Variants in KIRREL3 observed in about 807,000 individuals in gnomAD.
KIRREL3 encodes kin of IRRE-like protein 3.
Under a neutral mutation model 89.7 loss-of-function variants are expected in KIRREL3, and 36 were observed. The observed-to-expected ratio is 0.40, with a 90% CI of 0.31 to 0.53. KIRREL3 has a LOEUF of 0.53. Among genes scored for constraint, KIRREL3 ranks in the 20% least tolerant of loss-of-function variants. The probability of loss-of-function intolerance (pLI) is 0.49; values close to 1 mark genes in which losing one functional copy is unlikely to be tolerated. For missense variants in KIRREL3, 864 were observed against 1,056.6 expected, an observed-to-expected ratio of 0.82 and a Z score of 2.53; for synonymous variants, 445 against 441.4, an observed-to-expected ratio of 1.01 and a Z score of -0.10.
chr11:126,529,853 C>G (rs958388605), intron 2 of KIRREL3, among the ~76,000 whole-genome samples: 1 of 127,350 alleles, frequency 7.9e-6, no homozygotes, highest in Non-Finnish European at 1.6e-5. Context: ...TCTTTTAAAC[C>G]AATGAGTTTT....
In KIRREL3 at chr11:126,683,863, C is replaced by T. The variant is rs567044558; in HGVS notation, c.56-120951G>A. ...AAACCCTCGCCAGGCCCCAGACGCG[C>T]GTGGGTCCACCTACCGTCCATCTAC... On this transcript the variant is annotated intron_variant, in intron 1 of 16. Coordinates refer to ENST00000525144, the MANE Select transcript of KIRREL3 (RefSeq NM_032531.4). The surrounding 1 kb of genome is among the most constrained non-coding windows in gnomAD (Gnocchi z 5.2). 1.3e-5 allele frequency among the ~76,000 whole-genome samples: 2 copies of T among 152,336 alleles called. No individual in the cohort carries two copies. Among genetic ancestry groups the T allele is most frequent in the East Asian group, 1.9e-4 (1 of 5,180 alleles).
Position 126,436,977 on chromosome 11 carries a change from C to T in KIRREL3, c.1386G>A (p.Ser462=), listed in dbSNP as rs377743404. The change falls in exon 12 of 17, where the codon TCG becomes TCA. Residue 462 remains serine, a synonymous_variant. Coordinates refer to ENST00000525144, the MANE Select transcript of KIRREL3 (RefSeq NM_032531.4). ...CCACCGTATAGCGCCCCGATGTGCC[C>T]GACTCCAGAACGTTCTCCTTCCAGG... is the stretch of plus-strand genomic sequence containing the variant. ...AWSWKENVLE[S]GTSGRYTVET... 2.9e-4 allele frequency: 449 copies of T among 1,574,960 alleles called. 2 individuals carry two copies. Among genetic ancestry groups the T allele is most frequent in the Admixed American group, 2.2e-3 (128 of 57,450 alleles).
At position 126,527,708 on chromosome 11, in the gene KIRREL3, G is replaced by A. The variant is rs768410194; in HGVS notation, c.134-1021C>T. Among the ~76,000 whole-genome samples the A allele has an allele frequency of 2.0e-5, 3 of 152,144 alleles. No homozygotes were observed. Among genetic ancestry groups the A allele is most frequent in the African/African-American group, 7.2e-5 (3 of 41,424 alleles). On this transcript the variant is annotated intron_variant, in intron 2 of 16. Transcript: ENST00000525144. The surrounding 1 kb of genome is among the most constrained non-coding windows in gnomAD (Gnocchi z 4.2). ...CCATTTGACAGGACTTTGGGAAACGGAGGCTCAGGGTTAACTGAATTGCCC... is the reference window on the plus strand; with the variant it reads ...CCATTTGACAGGACTTTGGGAAACGAAGGCTCAGGGTTAACTGAATTGCCC...
rs1241836942 is a variant in KIRREL3 at position 126,537,028 on chromosome 11, C to G, written c.134-10341G>C. ...GGCTCAAGGGTGGGCTCAATCCCTG[C>G]CTCCCCTTTCTCCACTGGTTATTTG... On this transcript the variant is annotated intron_variant, in intron 2 of 16. Coordinates refer to ENST00000525144, the MANE Select transcript of KIRREL3 (RefSeq NM_032531.4). This position sits in a 1 kb window ranked among gnomAD's most constrained non-coding sequence, Gnocchi z 4.3. Among the ~76,000 whole-genome samples, 2 of 152,180 alleles carry G rather than the reference C, an allele frequency of 1.3e-5. No homozygotes were observed. Among genetic ancestry groups the G allele is most frequent in the African/African-American group, 4.8e-5 (2 of 41,448 alleles).
chr11:126,488,065 G>A (rs1473246760), intron 4 of KIRREL3, among the ~76,000 whole-genome samples: 2 of 152,274 alleles, frequency 1.3e-5, no homozygotes, highest in East Asian at 1.9e-4. Flanking sequence ...GAGTGCTTAC[G>A]ATCAGAATAA....
intron 5 of KIRREL3, among the ~76,000 whole-genome samples, chr11:126,467,600 G>A (rs1017049496): frequency 2.0e-5 from 3 of 151,760 alleles, no homozygotes; most frequent in Non-Finnish European, 4.4e-5. Context: ...GCTTCTCCCC[G>A]CTACTCACCT....
At chr11:126,589,935 A>T (rs1005707264) in intron 1 of KIRREL3, among the ~76,000 whole-genome samples, 5 of 152,090 alleles carry the variant, frequency 3.3e-5, no homozygotes, top group Admixed American at 3.3e-4. Context: ...TCCTCTTTCT[A>T]CTGTGCCCCA....
chr11:126,806,400 G>A (rs1951204946), intron 1 of KIRREL3, among the ~76,000 whole-genome samples: 1 of 152,152 alleles, frequency 6.6e-6, no homozygotes, highest in Non-Finnish European at 1.5e-5. Context: ...AAACTAGGTG[G>A]GTTGGCAGGA....
Position 126,765,555 on chromosome 11 carries a change from G to C in KIRREL3, c.56-202643C>G, listed in dbSNP as rs528341417. Reference sequence around the variant, plus strand: ...TAAACAATGTTCTGATAATTGCTGGGTCACCATTATTTACTACTACAGTTA... The same window carrying C: ...TAAACAATGTTCTGATAATTGCTGGCTCACCATTATTTACTACTACAGTTA... On this transcript the variant is annotated intron_variant, in intron 1 of 16. Transcript: ENST00000525144. Among the ~76,000 whole-genome samples, 19 of 152,290 alleles carry C rather than the reference G, an allele frequency of 1.2e-4. No homozygotes were observed. The East Asian group carries it at 3.5e-3, about 28-fold the overall frequency.
At position 126,566,136 on chromosome 11, in the gene KIRREL3, G is replaced by A. The variant is rs1015577917; in HGVS notation, c.56-3224C>T. 2.6e-4 allele frequency among the ~76,000 whole-genome samples: 30 copies of A among 116,242 alleles called. No homozygotes were observed. Among genetic ancestry groups the A allele is most frequent in the African/African-American group, 1.2e-3 (30 of 24,062 alleles). 76.3% of individuals were successfully genotyped at this position (116,242 alleles called of 152,430 possible). On this transcript the variant is annotated intron_variant, in intron 1 of 16. Coordinates refer to ENST00000525144, the MANE Select transcript of KIRREL3 (RefSeq NM_032531.4). This position sits in a 1 kb window ranked among gnomAD's most constrained non-coding sequence, Gnocchi z 4.9. ...ACCCAGATACTCTAAAGCTGGCTAT[G>A]GAAAAATAATTACCATGAAAGGAGT...
At position 126,645,529 on chromosome 11, in the gene KIRREL3, G is replaced by T. The variant is rs948503430; in HGVS notation, c.56-82617C>A. 2.6e-5 allele frequency among the ~76,000 whole-genome samples: 4 copies of T among 152,202 alleles called. No individual in the cohort carries two copies. The highest frequency in any genetic ancestry group is 6.5e-5 in the Admixed American group (1 of 15,286). ...GAAAGAATTCATGAGTAATAGCCGG[G>T]CATAAATCAGAATATGCACTTGAAC... On this transcript the variant is annotated intron_variant, in intron 1 of 16. Coordinates refer to ENST00000525144, the MANE Select transcript of KIRREL3 (RefSeq NM_032531.4). The surrounding 1 kb of genome is among the most constrained non-coding windows in gnomAD (Gnocchi z 4.9).
rs1424243479 is a variant in KIRREL3 at position 126,876,867 on chromosome 11, GT to G, written c.55+123587del. 1.3e-5 allele frequency among the ~76,000 whole-genome samples: 2 copies of G among 152,162 alleles called. No individual in the cohort carries two copies. The highest frequency in any genetic ancestry group is 4.8e-5 in the African/African-American group (2 of 41,440). The stretch of plus-strand genomic sequence containing the variant: ...TGTTTTTAATGAATACAAAAAGAAT[GT>G]CTTCTTTATGGAGCCAAAATTTTCA... On this transcript the variant is annotated intron_variant, in intron 1 of 16. Transcript: ENST00000525144. This position sits in a 1 kb window ranked among gnomAD's most constrained non-coding sequence, Gnocchi z 4.1.
At chr11:126,634,140 C>G (rs925526121) in intron 1 of KIRREL3, among the ~76,000 whole-genome samples, 3 of 152,098 alleles carry the variant, frequency 2.0e-5, no homozygotes, top group African/African-American at 7.2e-5. Flanking sequence ...GTGTCGAAGG[C>G]CAATTTACAT....
In KIRREL3 at chr11:126,666,122, A is replaced by G. The variant is rs906993561; in HGVS notation, c.56-103210T>C. On this transcript the variant is annotated intron_variant, in intron 1 of 16. Transcript: ENST00000525144. This position sits in a 1 kb window ranked among gnomAD's most constrained non-coding sequence, Gnocchi z 4.2. ...ACCACTTGCCTACTGCATTGTCTGT[A>G]TCATAGAAGTTGAGGAACCATTAAG... is the stretch of plus-strand genomic sequence containing the variant. Among the ~76,000 whole-genome samples the G allele has an allele frequency of 2.0e-5, 3 of 152,214 alleles. No individual in the cohort carries two copies. Among genetic ancestry groups the G allele is most frequent in the South Asian group, 4.1e-4 (2 of 4,824 alleles).
chr11:126,684,230 T>C lies in KIRREL3; in HGVS notation c.56-121318A>G, dbSNP rs955165922. On this transcript the variant is annotated intron_variant, in intron 1 of 16. Transcript: ENST00000525144. The surrounding 1 kb of genome is among the most constrained non-coding windows in gnomAD (Gnocchi z 4.2). ...GGCTGGAGGCTGCAGACTCTGCCTC[T>C]GTGCCCGTTCTGGGAAAGCCCCTGG... 7.2e-5 allele frequency among the ~76,000 whole-genome samples: 11 copies of C among 152,228 alleles called. No individual in the cohort carries two copies. The highest frequency in any genetic ancestry group is 3.3e-4 in the Admixed American group (5 of 15,286).
At chr11:126,841,198 T>C (rs1185877618) in intron 1 of KIRREL3, among the ~76,000 whole-genome samples, 1 of 152,230 alleles carries the variant, frequency 6.6e-6, no homozygotes, top group Non-Finnish European at 1.5e-5. Flanking sequence ...TAAAGGGGTC[T>C]ACTGTCCTCT....
Position 126,708,040 on chromosome 11 carries a change from G to A in KIRREL3, c.56-145128C>T, listed in dbSNP as rs955685473. ...CAGGCGATTGGCAATACTCCCCTCCGCATCCCTGAAGCAGGTGATGATCTC... is the reference window on the plus strand; with the variant it reads ...CAGGCGATTGGCAATACTCCCCTCCACATCCCTGAAGCAGGTGATGATCTC... On this transcript the variant is annotated intron_variant, in intron 1 of 16. Transcript: ENST00000525144. This position sits in a 1 kb window ranked among gnomAD's most constrained non-coding sequence, Gnocchi z 5.7. 2.6e-5 allele frequency among the ~76,000 whole-genome samples: 4 copies of A among 152,116 alleles called. No individual in the cohort carries two copies. The highest frequency in any genetic ancestry group is 4.8e-5 in the African/African-American group (2 of 41,422).
rs1164055943 is a variant in KIRREL3, at chr11:126,531,431, A to G, written c.134-4744T>C. Among the ~76,000 whole-genome samples the G allele has an allele frequency of 6.6e-6, 1 of 152,098 alleles. No individual in the cohort carries two copies. The highest frequency in any genetic ancestry group is 1.5e-5 in the Non-Finnish European group (1 of 68,026). On this transcript the variant is annotated intron_variant, in intron 2 of 16. Transcript: ENST00000525144. The surrounding 1 kb of genome is among the most constrained non-coding windows in gnomAD (Gnocchi z 4.7). ...GCCCAACTTCCCATGCTGGATTCTA[A>G]TCTCCAAAATCCAGCTCCTTTTCTT...
intron 1 of KIRREL3, among the ~76,000 whole-genome samples, chr11:126,974,780 A>G (rs561330299): frequency 6.6e-6 from 1 of 152,122 alleles, no homozygotes; most frequent in East Asian, 1.9e-4. Flanking sequence ...TTCTCAGTTC[A>G]CCACAACTTC....
Sources: gnomAD v4.1 joint callset for allele counts (sites outside exome capture counted in the v4.1 genomes callset) on GRCh38, gnomAD v4.1.1 for gene constraint, Gnocchi (gnomAD v3.1) non-coding constraint, MANE v1.5 for transcripts, NCBI Gene and HGNC (gene_info 2026-07-23, HGNC 2026-07-21) for gene names.